The following LRP1B variants were observed in gnomAD, a reference collection of about 807,000 sequenced individuals.
LRP1B encodes the protein low-density lipoprotein receptor-related protein 1B.
A neutral mutation model predicts 556.6 loss-of-function variants in LRP1B; 217 were observed. The ratio of observed to expected loss-of-function variants is 0.39; its 90% CI spans 0.35 to 0.44. The LOEUF is 0.44. Ranked by LOEUF, LRP1B falls within the 20% of genes least tolerant of loss-of-function variation. The probability of loss-of-function intolerance (pLI) is 1.00; values close to 1 mark genes in which losing one functional copy is unlikely to be tolerated. For synonymous variants in LRP1B, 2,047 were observed against 1,865.8 expected (o/e 1.10, Z -2.50); for missense variants, 5,053 against 5,620.8 (o/e 0.90, Z 3.23).
intron 43 of LRP1B, among the ~76,000 whole-genome samples, chr2:140,548,512 A>G (rs1447531481): frequency 3.3e-5 from 5 of 152,178 alleles, no homozygotes; most frequent in Non-Finnish European, 7.3e-5. Flanking sequence ...AGGAATTAAT[A>G]TACTCTAACA....
intron 3 of LRP1B, among the ~76,000 whole-genome samples, chr2:141,453,273 G>C (rs531108486): frequency 2.6e-5 from 4 of 152,040 alleles, no homozygotes; most frequent in Admixed American, 2.6e-4. Flanking sequence ...CAATGTCTGA[G>C]GATTTCAATA....
chr2:140,892,955 TAA>T (rs1227331429), intron 23 of LRP1B, among the ~76,000 whole-genome samples: 3 of 152,024 alleles, frequency 2.0e-5, no homozygotes, highest in Non-Finnish European at 4.4e-5. Context: ...TAGATTTTTA[TAA>T]GAGAATATAT....
chr2:140,483,345 A>T lies in LRP1B; in HGVS notation c.9425+1998T>A, dbSNP rs539117181. Among the ~76,000 whole-genome samples, 17 of 151,938 alleles carry T rather than the reference A, an allele frequency of 1.1e-4. 1 individual carries two copies. The South Asian group carries it at 3.5e-3, about 32-fold the overall frequency. On this transcript the variant is annotated intron_variant, in intron 59 of 90. Coordinates refer to ENST00000389484, the MANE Select transcript of LRP1B (RefSeq NM_018557.3). ...TTCAGTTTATGGGGTAATAACTGTAACCTGGGAGAAATAAAACCTAAAGCT... is the reference window on the plus strand; with the variant it reads ...TTCAGTTTATGGGGTAATAACTGTATCCTGGGAGAAATAAAACCTAAAGCT...
chr2:140,472,049 AT>A (rs1476347385), intron 60 of LRP1B, among the ~76,000 whole-genome samples: 1 of 152,108 alleles, frequency 6.6e-6, no homozygotes, highest in Non-Finnish European at 1.5e-5. Context: ...TGCTGCATGC[AT>A]TTTTGGAATA....
chr2:140,883,773 A>AT, intron 25 of LRP1B, 44 bp downstream of exon 25: 15 of 1,551,464 alleles, frequency 9.7e-6, no homozygotes, highest in East Asian at 2.3e-5. Context: ...TTGAAAGACT[A>AT]TTTTTTATGC....
intron 43 of LRP1B, among the ~76,000 whole-genome samples, chr2:140,565,998 G>T (rs1162549903): frequency 6.6e-6 from 1 of 152,194 alleles, no homozygotes; most frequent in Non-Finnish European, 1.5e-5. Context: ...GCTTCCCCCA[G>T]AGAAGGAGTG....
intron 90 of LRP1B, among the ~76,000 whole-genome samples, chr2:140,233,569 T>G (rs2104871969): frequency 6.6e-6 from 1 of 151,318 alleles, no homozygotes; most frequent in South Asian, 2.1e-4. Context: ...TAAGAGGAGC[T>G]TTGCCATATA....
At chr2:141,197,610 T>G (rs1681810723) in intron 6 of LRP1B, among the ~76,000 whole-genome samples, 1 of 152,114 alleles carries the variant, frequency 6.6e-6, no homozygotes, top group African/African-American at 2.4e-5. Context: ...GGCAAGGAGA[T>G]GTCTATTCAG....
At chr2:140,688,590 A>G (rs13422197) in intron 41 of LRP1B, among the ~76,000 whole-genome samples, 36,167 of 152,144 alleles carry the variant, frequency 0.24, 5,379 homozygotes, top group African/African-American at 0.42. Flanking sequence ...CTTCCCCTCC[A>G]TATATGTTTG....
intron 7 of LRP1B, among the ~76,000 whole-genome samples, chr2:141,156,284 G>A (rs1030112165): frequency 2.0e-5 from 3 of 152,128 alleles, no homozygotes; most frequent in African/African-American, 7.2e-5. Flanking sequence ...TTAGTGTGCC[G>A]ATCCCTCTCA....
intron 3 of LRP1B, among the ~76,000 whole-genome samples, chr2:141,285,558 C>A (rs1276007846): frequency 6.9e-6 from 1 of 144,112 alleles, no homozygotes; most frequent in Non-Finnish European, 1.5e-5. Context: ...CAGGTTCAAG[C>A]GATTCTCCTG....
intron 2 of LRP1B, among the ~76,000 whole-genome samples, chr2:141,809,904 C>T (rs942163279): frequency 6.6e-6 from 1 of 151,500 alleles, no homozygotes; most frequent in African/African-American, 2.4e-5. Context: ...CCTTTTAGCG[C>T]TATATTTTAA....
intron 3 of LRP1B, among the ~76,000 whole-genome samples, chr2:141,472,623 A>G (rs13393653): frequency 0.41 from 62,189 of 152,056 alleles, 13,273 homozygotes; most frequent in East Asian, 0.66. Context: ...ATAATGCACC[A>G]GGAATCTCAC....
intron 11 of LRP1B, among the ~76,000 whole-genome samples, chr2:141,047,467 T>C (rs1227953407): frequency 6.6e-6 from 1 of 152,112 alleles, no homozygotes; most frequent in Non-Finnish European, 1.5e-5. Flanking sequence ...ATTTACACCA[T>C]CCATGCTGTA....
chr2:140,842,703 T>A (rs2105101874), intron 29 of LRP1B, among the ~76,000 whole-genome samples: 2 of 152,294 alleles, frequency 1.3e-5, no homozygotes, highest in East Asian at 3.9e-4. Context: ...TCTTTATTCC[T>A]TCTTCCCCTT....
intron 3 of LRP1B, among the ~76,000 whole-genome samples, chr2:141,263,556 C>T (rs1416192657): frequency 6.6e-6 from 1 of 152,056 alleles, no homozygotes; most frequent in Non-Finnish European, 1.5e-5. Context: ...TAGGTAGCTT[C>T]CCTGAAGATT....
intron 2 of LRP1B, among the ~76,000 whole-genome samples, chr2:141,650,389 A>C (rs1574194772): frequency 6.6e-6 from 1 of 152,294 alleles, no homozygotes; most frequent in South Asian, 2.1e-4. Flanking sequence ...GGTATGGCTG[A>C]GGAATCAAGA....
intron 35 of LRP1B, among the ~76,000 whole-genome samples, chr2:140,725,800 C>A (rs906988684): frequency 1.3e-5 from 2 of 152,060 alleles, no homozygotes; most frequent in African/African-American, 4.8e-5. Context: ...CACATCATAT[C>A]CTTGACTCCT....
At chr2:140,693,150 T>A (rs886858709) in intron 41 of LRP1B, among the ~76,000 whole-genome samples, 20 of 152,170 alleles carry the variant, frequency 1.3e-4, no homozygotes, top group African/African-American at 4.6e-4. Flanking sequence ...ATTGGTAATA[T>A]CATATTGTGT....
Sources: gnomAD v4.1 joint callset for allele counts (sites outside exome capture counted in the v4.1 genomes callset) on GRCh38, gnomAD v4.1.1 for gene constraint, MANE v1.5 for transcripts, NCBI Gene and HGNC (gene_info 2026-07-23, HGNC 2026-07-21) for gene names.